Variants in NAA16 observed in about 807,000 individuals in gnomAD.
The protein encoded by NAA16 is NARG1-like protein.
In NAA16, 97 loss-of-function variants were observed where a neutral mutation model predicts 110.3. The ratio of observed to expected loss-of-function variants is 0.88; its 90% CI spans 0.75 to 1.04. NAA16 has a LOEUF of 1.04. Among genes scored for constraint, NAA16 ranks in the 50% least tolerant of loss-of-function variants. The pLI is 0.00. For missense variants in NAA16, 1,017 were observed against 1,005.1 expected (o/e 1.01, Z -0.16); for synonymous variants, 372 against 330.6 (o/e 1.13, Z -1.36).
intron 1 of NAA16, among the ~76,000 whole-genome samples, chr13:41,315,773 C>G (rs1161651891): frequency 2.0e-5 from 3 of 151,932 alleles, no homozygotes; most frequent in Admixed American, 6.6e-5. Context: ...TATGTTTTTG[C>G]TTAAATTTTT....
chr13:41,311,661 C>G (rs1593375651), intron 1 of NAA16, 79 bp downstream of exon 1: 1 of 1,375,650 alleles, frequency 7.3e-7, no homozygotes, highest in Non-Finnish European at 1.0e-6. Context: ...TGGCGGCGGC[C>G]GGCGCGGGCC....
chr13:41,345,102 A>G (rs2139454330), intron 9 of NAA16, among the ~76,000 whole-genome samples: 1 of 152,284 alleles, frequency 6.6e-6, no homozygotes, highest in South Asian at 2.1e-4. Context: ...GATATACCAC[A>G]TTGATTGTTT....
intron 3 of NAA16, among the ~76,000 whole-genome samples, chr13:41,319,497 C>A (rs1215815467): frequency 6.6e-6 from 1 of 152,002 alleles, no homozygotes. Flanking sequence ...TGGGTAATAT[C>A]CCAGTGTGTA....
intron 1 of NAA16, 125 bp from the exon 2 acceptor site, chr13:41,316,721 G>C (rs1274473396): frequency 6.3e-6 from 4 of 631,636 alleles, no homozygotes; most frequent in African/African-American, 5.4e-5. Context: ...GTTTGTAAGT[G>C]ATATCCTTTC....
rs2041925253 is a variant in NAA16, at chr13:41,320,761, C to T, written c.339C>T (p.Asn113=). ...YRNALKLDKD[N]LQILRDLSLL... ...ATGCCCTCAAATTAGATAAAGATAA[C>T]CTGCAAATTTTGAGGGATCTCTCAC... The change falls in exon 4 of 20, where the codon AAC becomes AAT. Residue 113 remains asparagine, a synonymous_variant. Transcript: ENST00000379406. The T allele has an allele frequency of 1.2e-6, 2 of 1,612,892 alleles. No individual in the cohort carries two copies. The highest frequency in any genetic ancestry group is 2.2e-5 in the South Asian group (2 of 90,842).
At chr13:41,335,552 C>G (rs2139427623) in intron 8 of NAA16, among the ~76,000 whole-genome samples, 2 of 152,204 alleles carry the variant, frequency 1.3e-5, no homozygotes, top group Middle Eastern at 6.8e-3. Context: ...TATAATTTAA[C>G]CCAGGATGAA....
In NAA16 at chr13:41,375,638, C is replaced by A; in HGVS notation, c.*36C>A. On this transcript the variant is annotated 3_prime_UTR_variant, in exon 20 of 20. Transcript: ENST00000379406. ...AAAGTAGACTCCTATAGACTCAAAG[C>A]TGAATTGAGATCAGGGTTTCTTTTC... 1.4e-6 allele frequency: 2 copies of A among 1,468,856 alleles called. No individual in the cohort carries two copies. Among genetic ancestry groups the A allele is most frequent in the Non-Finnish European group, 1.9e-6 (2 of 1,077,884 alleles). The allele number at this position is 1,468,856 out of a possible 1,614,324, so 91.0% of individuals were successfully genotyped here.
chr13:41,355,272 A>G, intron 10 of NAA16, 56 bp downstream of exon 10: 1 of 1,090,974 alleles, frequency 9.2e-7, no homozygotes, highest in Non-Finnish European at 1.4e-6. Context: ...TTTTAATCAC[A>G]GTAATGCTCT....
chr13:41,362,029 A>G lies in NAA16; in HGVS notation c.1411-2A>G, dbSNP rs2043121800. On this transcript the variant is annotated splice_acceptor_variant, in intron 12 of 19. Coordinates refer to ENST00000379406, the MANE Select transcript of NAA16 (RefSeq NM_024561.5). LOFTEE classifies it high-confidence loss of function. ...CTATAGTTTTGAATGCTTCCATTTC[A>G]GGAAGGAACATCTGCCATGGAAAAT... The G allele has an allele frequency of 9.9e-6, 16 of 1,610,068 alleles. No homozygotes were observed. Among genetic ancestry groups the G allele is most frequent in the Non-Finnish European group, 1.4e-5 (16 of 1,178,530 alleles).
rs1350579985 is a variant in NAA16 at position 41,338,157 on chromosome 13, CAG to C, written c.1014+1405_1014+1406del. 2.0e-5 allele frequency among the ~76,000 whole-genome samples: 3 copies of C among 151,974 alleles called. No homozygotes were observed. In the East Asian group the frequency reaches 5.8e-4, roughly 29 times the overall value. ...CTTTTGTTCTTTTTGGTGAGGGTGA[CAG>C]AGAAGAAAGGTTAGATGAAATGCCA... On this transcript the variant is annotated intron_variant, in intron 9 of 19. Coordinates refer to ENST00000379406, the MANE Select transcript of NAA16 (RefSeq NM_024561.5).
At chr13:41,366,274 A>G (rs2043205688) in intron 13 of NAA16, among the ~76,000 whole-genome samples, 1 of 152,170 alleles carries the variant, frequency 6.6e-6, no homozygotes, top group Admixed American at 6.5e-5. Context: ...GGTACTTAAT[A>G]TAATTCTGTA....
At chr13:41,340,903 G>A (rs891942336) in intron 9 of NAA16, among the ~76,000 whole-genome samples, 11 of 151,874 alleles carry the variant, frequency 7.2e-5, no homozygotes, top group East Asian at 3.9e-4. Context: ...TCCTGACCTC[G>A]TGATACACCC....
chr13:41,332,531 A>G (rs73179178), intron 8 of NAA16, among the ~76,000 whole-genome samples: 4,238 of 152,288 alleles, frequency 0.028, 82 homozygotes, highest in Non-Finnish European at 0.045. Context: ...CAGGTAGCTA[A>G]TATCTTTGTT....
At position 41,369,186 on chromosome 13, in the gene NAA16, G is replaced by C; in HGVS notation, c.1850G>C (p.Arg617Thr). ...KLEEERKHAE[R>T]ERQQKNQKKK... Reference sequence around the variant, plus strand: ...GAAGAAGAAAGAAAGCATGCAGAAAGAGAACGTCAACAGAAAAATCAAAAG... The same window carrying C: ...GAAGAAGAAAGAAAGCATGCAGAAACAGAACGTCAACAGAAAAATCAAAAG... The change falls in exon 15 of 20, where the codon AGA becomes ACA. Residue 617 changes from arginine (R) to threonine (T), a missense_variant. Arg to Thr is a moderately conservative substitution (Grantham distance 71). Transcript: ENST00000379406. 1 of 1,597,374 alleles carries C rather than the reference G, an allele frequency of 6.3e-7. No individual in the cohort carries two copies. Among genetic ancestry groups the C allele is most frequent in the Non-Finnish European group, 8.5e-7 (1 of 1,172,234 alleles).
Position 41,375,896 on chromosome 13 carries a change from T to G in NAA16, c.*294T>G. On this transcript the variant is annotated 3_prime_UTR_variant, in exon 20 of 20. Transcript: ENST00000379406. Reference sequence around the variant, plus strand: ...CCCCACTGTATTATTTTCTTTAGATTCTGATTTCAGGATCTGTGCTTTGAT... The same window carrying G: ...CCCCACTGTATTATTTTCTTTAGATGCTGATTTCAGGATCTGTGCTTTGAT... 1 of 224,394 alleles carries G rather than the reference T, an allele frequency of 4.5e-6. No homozygotes were observed. The highest frequency in any genetic ancestry group is 8.6e-6 in the Non-Finnish European group (1 of 116,098). The allele number at this position is 224,394 out of a possible 1,614,324, so 13.9% of individuals were successfully genotyped here.
intron 9 of NAA16, among the ~76,000 whole-genome samples, chr13:41,351,726 C>A (rs957263828): frequency 6.6e-6 from 1 of 151,902 alleles, no homozygotes; most frequent in Non-Finnish European, 1.5e-5. Flanking sequence ...AGAAAGTAAA[C>A]CAGGAGAAGG....
intron 9 of NAA16, among the ~76,000 whole-genome samples, chr13:41,339,228 C>T (rs1174242965): frequency 6.6e-6 from 1 of 152,116 alleles, no homozygotes; most frequent in Non-Finnish European, 1.5e-5. Context: ...GAAACCTCTG[C>T]CTCCCAATTC....
chr13:41,373,881 G>GT (rs1421413026), intron 18 of NAA16, 101 bp downstream of exon 18: 1 of 1,422,646 alleles, frequency 7.0e-7, no homozygotes, highest in Admixed American at 2.7e-5. Context: ...AGTACTGTGT[G>GT]TAAGTATGGG....
intron 2 of NAA16, among the ~76,000 whole-genome samples, chr13:41,318,404 G>A (rs2041862450): frequency 6.6e-6 from 1 of 151,992 alleles, no homozygotes; most frequent in Non-Finnish European, 1.5e-5. Flanking sequence ...GTTTTGCTGT[G>A]TTGGCCAGGC....
Sources: allele counts gnomAD v4.1 joint callset (sites outside exome capture counted in the v4.1 genomes callset), GRCh38; gene constraint gnomAD v4.1.1; transcripts MANE v1.5; gene names NCBI Gene and HGNC (gene_info 2026-07-23, HGNC 2026-07-21).